CNKSR2: variants seen among roughly 807,000 people sequenced by gnomAD.
The protein encoded by CNKSR2 is CNK homolog protein 2.
CNKSR2 carries 14 observed loss-of-function variants against 84.4 expected under a neutral mutation model. The observed-to-expected ratio is 0.17, with a 90% CI of 0.11 to 0.26. CNKSR2 has a LOEUF of 0.26. CNKSR2 is among the 10% of genes least tolerant of loss of function. The probability of loss-of-function intolerance (pLI) is 1.00; values close to 1 mark genes in which losing one functional copy is unlikely to be tolerated. For synonymous variants in CNKSR2, 275 were observed against 277.9 expected (o/e 0.99, Z 0.10); for missense variants, 485 against 771.2 (o/e 0.63, Z 4.40).
intron 5 of CNKSR2, among the ~76,000 whole-genome samples, chrX:21,480,315 A>G (rs996124299): frequency 2.7e-5 from 3 of 111,935 alleles, no homozygotes; most frequent in African/African-American, 9.7e-5. Context: ...ATTTATCCAT[A>G]AAGTGTATAT....
chrX:21,542,949 A>G (rs2091988840), intron 11 of CNKSR2, among the ~76,000 whole-genome samples: 1 of 112,421 alleles, frequency 8.9e-6, no homozygotes, highest in South Asian at 3.7e-4. Context: ...AGGAAAATTA[A>G]TCTCTGTAAC....
rs192511329 is a variant in CNKSR2 at position 21,603,378 on chromosome X, G to A, written c.2044+2029G>A. 1.5e-3 allele frequency among the ~76,000 whole-genome samples: 168 copies of A among 111,947 alleles called. 1 individual carries two copies. Among genetic ancestry groups the A allele is most frequent in the Non-Finnish European group, 1.7e-3 (92 of 53,183 alleles). ...ATGCACATATCTACTTCACCCTTCT[G>A]TAGAGTTATTTGAGTAGAGTTATAT... On this transcript the variant is annotated intron_variant, in intron 18 of 21. Coordinates refer to ENST00000379510, the MANE Select transcript of CNKSR2 (RefSeq NM_014927.5).
In CNKSR2 at chrX:21,501,516, T is replaced by G; in HGVS notation, c.742-4T>G. ...CTTTATCGTTTCTTTTATATTAAAT[T>G]CAGTCACCTGCAGATCGGTGCAAGA... On this transcript the variant is annotated splice_region_variant and splice_polypyrimidine_tract_variant and intron_variant, in intron 7 of 21. Transcript: ENST00000379510. 8.9e-7 allele frequency: 1 copy of G among 1,122,632 alleles called. No individual in the cohort carries two copies. Among genetic ancestry groups the G allele is most frequent in the Non-Finnish European group, 1.2e-6 (1 of 830,839 alleles). The allele number at this position is 1,122,632 out of a possible 1,213,427, so 92.5% of individuals were successfully genotyped here.
In CNKSR2 at chrX:21,653,278, A is replaced by T. The variant is rs1355995742; in HGVS notation, c.*757A>T. ...CTTCCTTTATTTTTGTAGTGATGAG[A>T]TGCTGATTGTGTACAGAAGAATTTG... On this transcript the variant is annotated 3_prime_UTR_variant, in exon 22 of 22. Coordinates refer to ENST00000379510, the MANE Select transcript of CNKSR2 (RefSeq NM_014927.5). 1 of 110,964 alleles carries T rather than the reference A, an allele frequency of 9.0e-6. No individual in the cohort carries two copies. The highest frequency in any genetic ancestry group is 1.9e-5 in the Non-Finnish European group (1 of 52,984). 9.1% of individuals were successfully genotyped at this position (110,964 alleles called of 1,213,427 possible).
chrX:21,609,598 G>A lies in CNKSR2; in HGVS notation c.2673G>A (p.Gly891=). 8.3e-7 allele frequency: 1 copy of A among 1,199,150 alleles called. No homozygotes were observed. The highest frequency in any genetic ancestry group is 1.1e-6 in the Non-Finnish European group (1 of 890,945). Reference sequence around the variant, plus strand: ...AGGAGGAGGAAGGGGAGGCAGCAGGGGAAAACATAGGAGAAAAAAGTAAGT... The same window carrying A: ...AGGAGGAGGAAGGGGAGGCAGCAGGAGAAAACATAGGAGAAAAAAGTAAGT... ...EEEEEEGEAA[G]ENIGEKSESR... Residue 891 remains glycine (G), a synonymous_variant, in exon 20 of 22, where the codon GGG becomes GGA. Transcript: ENST00000379510.
At chrX:21,435,551 A>G (rs1421928344) in intron 3 of CNKSR2, among the ~76,000 whole-genome samples, 1 of 111,709 alleles carries the variant, frequency 9.0e-6, no homozygotes, top group Non-Finnish European at 1.9e-5. Flanking sequence ...TTTCAGTGAA[A>G]CACCAGACTT....
chrX:21,647,024 C>A (rs2147344295), intron 20 of CNKSR2, among the ~76,000 whole-genome samples: 1 of 111,927 alleles, frequency 8.9e-6, no homozygotes, highest in South Asian at 3.8e-4. Context: ...TGTTCATAAC[C>A]CACAAAGCAG....
chrX:21,451,591 C>A (rs1158125351), intron 4 of CNKSR2, among the ~76,000 whole-genome samples: 1 of 104,901 alleles, frequency 9.5e-6, no homozygotes, highest in African/African-American at 3.5e-5. Flanking sequence ...AGTAAACTAT[C>A]GCAAGGACAA....
rs1161194838 is a variant in CNKSR2 at position 21,466,399 on chromosome X, G to A, written c.520-4367G>A. 2.7e-5 allele frequency among the ~76,000 whole-genome samples: 3 copies of A among 111,190 alleles called. No individual in the cohort carries two copies. The East Asian group carries it at 8.5e-4, about 31-fold the overall frequency. ...AAGTATTTTAAAATCACCTGTTGAT[G>A]GAAGTAAAATAACTTAGTAATAAAT... is the stretch of plus-strand genomic sequence containing the variant. On this transcript the variant is annotated intron_variant, in intron 4 of 21. Transcript: ENST00000379510.
chrX:21,650,185 T>C (rs1472392748), intron 21 of CNKSR2, among the ~76,000 whole-genome samples: 3 of 111,118 alleles, frequency 2.7e-5, no homozygotes, highest in African/African-American at 9.9e-5. Context: ...CAAATGCCCA[T>C]CAATGATAGA....
At chrX:21,528,537 A>G (rs756433577) in intron 10 of CNKSR2, among the ~76,000 whole-genome samples, 5 of 111,292 alleles carry the variant, frequency 4.5e-5, no homozygotes, top group Non-Finnish European at 9.5e-5. Context: ...ACAAAAGAGT[A>G]AAATGATCCA....
intron 11 of CNKSR2, among the ~76,000 whole-genome samples, chrX:21,535,109 T>C (rs1264011265): frequency 9.0e-6 from 1 of 111,463 alleles, no homozygotes; most frequent in East Asian, 2.8e-4. Context: ...ATATCCAGTT[T>C]TCCCAGCCCT....
intron 18 of CNKSR2, among the ~76,000 whole-genome samples, chrX:21,602,590 A>C (rs776346989): frequency 2.0e-4 from 22 of 112,098 alleles, no homozygotes; most frequent in African/African-American, 6.8e-4. Flanking sequence ...AAAGAACCTA[A>C]TAATATTTTG....
chrX:21,559,458 A>G (rs1255555193), intron 11 of CNKSR2, among the ~76,000 whole-genome samples: 1 of 111,160 alleles, frequency 9.0e-6, no homozygotes, highest in Non-Finnish European at 1.9e-5. Flanking sequence ...AGCTGTACAT[A>G]CTTGTTCATA....
intron 11 of CNKSR2, among the ~76,000 whole-genome samples, chrX:21,542,109 T>G (rs183998199): frequency 1.1e-4 from 12 of 112,310 alleles, no homozygotes; most frequent in African/African-American, 2.6e-4. Context: ...TAAATTTAGA[T>G]GTAAAATGAG....
At chrX:21,645,192 C>G (rs1045760698) in intron 20 of CNKSR2, 2 of 111,527 alleles carry the variant, frequency 1.8e-5, no homozygotes, top group African/African-American at 3.3e-5. Flanking sequence ...TTCACCCCGT[C>G]AAGTATGACA....
intron 11 of CNKSR2, among the ~76,000 whole-genome samples, chrX:21,552,115 T>A (rs2092098889): frequency 9.2e-6 from 1 of 108,219 alleles, no homozygotes. Flanking sequence ...AAAAAAAAAC[T>A]ATAATAAATG....
chrX:21,518,022 A>G (rs1397961466), intron 9 of CNKSR2, among the ~76,000 whole-genome samples: 1 of 112,022 alleles, frequency 8.9e-6, no homozygotes, highest in Non-Finnish European at 1.9e-5. Flanking sequence ...TAAAATTTTA[A>G]TGTGAATCTA....
At chrX:21,590,713 A>G (rs2092415300) in intron 14 of CNKSR2, 93 bp downstream of exon 14, 1 of 950,765 alleles carries the variant, frequency 1.1e-6, no homozygotes, top group Non-Finnish European at 1.5e-6. Context: ...GCCTGAGCCC[A>G]GTGTGGTTTA....
Sources: gnomAD v4.1 joint callset for allele counts (sites outside exome capture counted in the v4.1 genomes callset) on GRCh38, gnomAD v4.1.1 for gene constraint, MANE v1.5 for transcripts, NCBI Gene and HGNC (gene_info 2026-07-23, HGNC 2026-07-21) for gene names.